OR5AS1: variants seen among roughly 807,000 people sequenced by gnomAD.
OR5AS1 encodes the protein olfactory receptor 5AS1.
For synonymous variants in OR5AS1, 196 were observed against 141.7 expected, an observed-to-expected ratio of 1.38 and a Z score of -2.72; for missense variants, 492 against 378.2, an observed-to-expected ratio of 1.30 and a Z score of -2.50.
Position 56,030,793 on chromosome 11 carries a change from C to T in OR5AS1, c.375C>T (p.Ala125=). The T allele has an allele frequency of 1.2e-6, 2 of 1,614,062 alleles. No individual in the cohort carries two copies. The highest frequency in any genetic ancestry group is 1.7e-6 in the Non-Finnish European group (2 of 1,179,992). ...LAAMAYDRYA[A]ICNPLLYTTL... The stretch of plus-strand genomic sequence containing the variant: ...CAATGGCTTATGACCGCTATGCAGC[C>T]ATCTGCAACCCACTGCTCTATACTA... Residue 125 remains alanine (A), a synonymous_variant, in exon 2 of 2, where the codon GCC becomes GCT. Transcript: ENST00000641320.
Position 56,037,224 on chromosome 11 carries a change from A to C in OR5AS1, c.*5831A>C, listed in dbSNP as rs1469586597. On this transcript the variant is annotated 3_prime_UTR_variant, in exon 2 of 2. Transcript: ENST00000641320. ...GCACAAAACAATGATGCCCTCTCTC[A>C]CCACTCCTATTCAACATAGTATTGA... 6.6e-6 allele frequency: 1 copy of C among 152,110 alleles called. No homozygotes were observed. The highest frequency in any genetic ancestry group is 1.5e-5 in the Non-Finnish European group (1 of 68,040). 9.4% of individuals were successfully genotyped at this position (152,110 alleles called of 1,614,324 possible). A position where few individuals can be genotyped will look rare whatever the true frequency, so the allele number is the denominator to read the frequency against.
Position 56,030,952 on chromosome 11 carries a change from C to A in OR5AS1, c.534C>A (p.Phe178Leu), listed in dbSNP as rs775346584. The change falls in exon 2 of 2, where the codon TTC (phenylalanine) becomes TTA (leucine). Residue 178 changes from phenylalanine (F) to leucine (L), a missense_variant. By Grantham distance (22) the Phe-to-Leu change is conservative (BLOSUM62 0). Coordinates refer to ENST00000641320, the MANE Select transcript of OR5AS1 (RefSeq NM_001001921.2). ...GCTCCAATATCGTCAATCATTTTTT[C>A]TGTGATATCCCACCTCTTCTGGCTT... ...FCGSNIVNHF[F>L]CDIPPLLALS... The A allele has an allele frequency of 1.2e-6, 2 of 1,614,144 alleles. No individual in the cohort carries two copies. The highest frequency in any genetic ancestry group is 1.1e-5 in the South Asian group (1 of 91,084).
rs1310535328 is a variant in OR5AS1 at position 56,033,663 on chromosome 11, C to G, written c.*2270C>G. ...AGATAAAACCCCCATCCCCCTGAGA[C>G]AGAGCACCTTAAGGAAGGGATGGCT... On this transcript the variant is annotated 3_prime_UTR_variant, in exon 2 of 2. Transcript: ENST00000641320. 6.6e-6 allele frequency: 1 copy of G among 152,214 alleles called. No individual in the cohort carries two copies. Among genetic ancestry groups the G allele is most frequent in the African/African-American group, 2.4e-5 (1 of 41,396 alleles). 9.4% of individuals were successfully genotyped at this position (152,214 alleles called of 1,614,324 possible). A position where few individuals can be genotyped will look rare whatever the true frequency, so the allele number is the denominator to read the frequency against.
chr11:56,033,635 TAGAGATAAAACCCCCATCCCCCTGAGAC>T lies in OR5AS1; in HGVS notation c.*2247_*2274del, dbSNP rs1224574753. 6 of 152,350 alleles carry T rather than the reference TAGAGATAAAACCCCCATCCCCCTGAGAC, an allele frequency of 3.9e-5. No individual in the cohort carries two copies. The East Asian group carries it at 1.2e-3, about 29-fold the overall frequency. 9.4% of individuals were successfully genotyped at this position (152,350 alleles called of 1,614,324 possible). A position where few individuals can be genotyped will look rare whatever the true frequency, so the allele number is the denominator to read the frequency against. ...AAGGCAGCAGCCCCAGTTAGGGGCC[TAGAGATAAAACCCCCATCCCCCTGAGAC>T]AGAGCACCTTAAGGAAGGGATGGCT... On this transcript the variant is annotated 3_prime_UTR_variant, in exon 2 of 2. Transcript: ENST00000641320.
In OR5AS1 at chr11:56,034,944, G is replaced by A. The variant is rs1853389400; in HGVS notation, c.*3551G>A. ...GTCTCAGCAGAAACCCTATAAGCCA[G>A]AAGTGAGTGGGGGCCAATATCCAAC... On this transcript the variant is annotated 3_prime_UTR_variant, in exon 2 of 2. Coordinates refer to ENST00000641320, the MANE Select transcript of OR5AS1 (RefSeq NM_001001921.2). 6.6e-6 allele frequency: 1 copy of A among 152,162 alleles called. No homozygotes were observed. Among genetic ancestry groups the A allele is most frequent in the East Asian group, 1.9e-4 (1 of 5,196 alleles). 9.4% of individuals were successfully genotyped at this position (152,162 alleles called of 1,614,324 possible).
At position 56,033,670 on chromosome 11, in the gene OR5AS1, C is replaced by T. The variant is rs1198666313; in HGVS notation, c.*2277C>T. ...ACCCCCATCCCCCTGAGACAGAGCACCTTAAGGAAGGGATGGCTGTGGGTG... is the reference window on the plus strand; with the variant it reads ...ACCCCCATCCCCCTGAGACAGAGCATCTTAAGGAAGGGATGGCTGTGGGTG... On this transcript the variant is annotated 3_prime_UTR_variant, in exon 2 of 2. Transcript: ENST00000641320. 1 of 152,188 alleles carries T rather than the reference C, an allele frequency of 6.6e-6. No homozygotes were observed. Among genetic ancestry groups the T allele is most frequent in the African/African-American group, 2.4e-5 (1 of 41,386 alleles). 9.4% of individuals were successfully genotyped at this position (152,188 alleles called of 1,614,324 possible). A position where few individuals can be genotyped will look rare whatever the true frequency, so the allele number is the denominator to read the frequency against.
At chr11:56,028,279 TTATAA>T (rs1327194277) in intron 1 of OR5AS1, among the ~76,000 whole-genome samples, 10 of 151,994 alleles carry the variant, frequency 6.6e-5, no homozygotes, top group African/African-American at 2.2e-4. Context: ...GATTTCAGTC[TTATAA>T]TATATTATTA....
chr11:56,031,528 C>A lies in OR5AS1; in HGVS notation c.*135C>A. ...CATTAAAATGCTTCATCCTCTCTTC[C>A]AAAAATGTTCTCTCCACAATTCTAC... On this transcript the variant is annotated 3_prime_UTR_variant, in exon 2 of 2. Transcript: ENST00000641320. 1 of 628,590 alleles carries A rather than the reference C, an allele frequency of 1.6e-6. No individual in the cohort carries two copies. Among genetic ancestry groups the A allele is most frequent in the East Asian group, 2.6e-5 (1 of 38,236 alleles). 38.9% of individuals were successfully genotyped at this position (628,590 alleles called of 1,614,324 possible).
Position 56,031,592 on chromosome 11 carries a change from A to G in OR5AS1, c.*199A>G, listed in dbSNP as rs1853352351. The G allele has an allele frequency of 2.3e-6, 1 of 426,616 alleles. No homozygotes were observed. The allele number at this position is 426,616 out of a possible 1,614,324, so 26.4% of individuals were successfully genotyped here. On this transcript the variant is annotated 3_prime_UTR_variant, in exon 2 of 2. Transcript: ENST00000641320. ...ACCTAATTAAACATAGTCATTATTT[A>G]TATCCAATTAGTGTTTCTAAAATGC... is the stretch of plus-strand genomic sequence containing the variant.
At position 56,036,187 on chromosome 11, in the gene OR5AS1, T is replaced by C. The variant is rs1853402667; in HGVS notation, c.*4794T>C. 1 of 151,866 alleles carries C rather than the reference T, an allele frequency of 6.6e-6. No individual in the cohort carries two copies. The highest frequency in any genetic ancestry group is 1.5e-5 in the Non-Finnish European group (1 of 67,970). 9.4% of individuals were successfully genotyped at this position (151,866 alleles called of 1,614,324 possible). A position where few individuals can be genotyped will look rare whatever the true frequency, so the allele number is the denominator to read the frequency against. On this transcript the variant is annotated 3_prime_UTR_variant, in exon 2 of 2. Transcript: ENST00000641320. ...GGCCCACAAGAGAAAGCAGGAAAGA[T>C]CTAAAATCAACACCCTAACATCACA...
In OR5AS1 at chr11:56,035,954, A is replaced by G. The variant is rs150640984; in HGVS notation, c.*4561A>G. 15,942 of 152,170 alleles carry G rather than the reference A, an allele frequency of 0.1. 1,053 individuals carry two copies. The highest frequency in any genetic ancestry group is 0.16 in the East Asian group (822 of 5,182). The allele number at this position is 152,170 out of a possible 1,614,324, so 9.4% of individuals were successfully genotyped here. ...AGTCTCTCAGACCACAGTGCAATCAAATTAGAACTCAGGATTAAGAAACTC... is the reference window on the plus strand; with the variant it reads ...AGTCTCTCAGACCACAGTGCAATCAGATTAGAACTCAGGATTAAGAAACTC... On this transcript the variant is annotated 3_prime_UTR_variant, in exon 2 of 2. Transcript: ENST00000641320.
In OR5AS1 at chr11:56,033,835, C is replaced by T. The variant is rs1853376702; in HGVS notation, c.*2442C>T. ...GACCCCGTGACTCTTGACTGGGAGA[C>T]ACCTTCCAGTAGGGGTTGACAGATA... is the stretch of plus-strand genomic sequence containing the variant. On this transcript the variant is annotated 3_prime_UTR_variant, in exon 2 of 2. Transcript: ENST00000641320. 6.6e-6 allele frequency: 1 copy of T among 152,236 alleles called. No individual in the cohort carries two copies. Among genetic ancestry groups the T allele is most frequent in the Non-Finnish European group, 1.5e-5 (1 of 68,104 alleles). 9.4% of individuals were successfully genotyped at this position (152,236 alleles called of 1,614,324 possible). A position where few individuals can be genotyped will look rare whatever the true frequency, so the allele number is the denominator to read the frequency against.
At chr11:56,028,807 G>T (rs1413985259) in intron 1 of OR5AS1, among the ~76,000 whole-genome samples, 1 of 151,978 alleles carries the variant, frequency 6.6e-6, no homozygotes, top group Non-Finnish European at 1.5e-5. Context: ...AATCATTAAT[G>T]GAAATGTCAC....
At position 56,036,920 on chromosome 11, in the gene OR5AS1, A is replaced by G. The variant is rs1258920382; in HGVS notation, c.*5527A>G. 6.6e-6 allele frequency: 1 copy of G among 151,890 alleles called. No homozygotes were observed. The highest frequency in any genetic ancestry group is 1.5e-5 in the Non-Finnish European group (1 of 67,936). The allele number at this position is 151,890 out of a possible 1,614,324, so 9.4% of individuals were successfully genotyped here. On this transcript the variant is annotated 3_prime_UTR_variant, in exon 2 of 2. Coordinates refer to ENST00000641320, the MANE Select transcript of OR5AS1 (RefSeq NM_001001921.2). ...CGGCACATCAAAAAGCTTATCCACC[A>G]ATCAAATTGGCTTTATCCCTGGGAT...
intron 1 of OR5AS1, among the ~76,000 whole-genome samples, chr11:56,029,675 A>G (rs1182212906): frequency 1.3e-5 from 2 of 152,076 alleles, no homozygotes; most frequent in Non-Finnish European, 2.9e-5. Context: ...ATCAAAATGG[A>G]GTCAATTTAT....
chr11:56,031,250 T>C lies in OR5AS1; in HGVS notation c.832T>C (p.Tyr278His). 2.5e-6 allele frequency: 4 copies of C among 1,613,752 alleles called. No homozygotes were observed. Among genetic ancestry groups the C allele is most frequent in the South Asian group, 2.2e-5 (2 of 91,076 alleles). Reference protein sequence around the residue: ...LDTDKVVAVFYTVVFPMFNPI... With the variant: ...LDTDKVVAVFHTVVFPMFNPI... Reference sequence around the variant, plus strand: ...CACTGATAAGGTGGTGGCAGTGTTTTATACTGTTGTATTTCCCATGTTTAA... The same window carrying C: ...CACTGATAAGGTGGTGGCAGTGTTTCATACTGTTGTATTTCCCATGTTTAA... The change falls in exon 2 of 2, where the codon TAT becomes CAT. Residue 278 changes from tyrosine (Y) to histidine (H), a missense_variant. Tyr to His is a moderately conservative substitution (Grantham distance 83, BLOSUM62 2). Coordinates refer to ENST00000641320, the MANE Select transcript of OR5AS1 (RefSeq NM_001001921.2).
At chr11:56,029,530 GCACACACA>G (rs147093456) in intron 1 of OR5AS1, among the ~76,000 whole-genome samples, 13,683 of 149,226 alleles carry the variant, frequency 0.092, 665 homozygotes, top group African/African-American at 0.12. Context: ...TTTGTATATA[GCACACACA>G]CACACACACA....
In OR5AS1 at chr11:56,036,661, G is replaced by A. The variant is rs1449509977; in HGVS notation, c.*5268G>A. 2 of 151,262 alleles carry A rather than the reference G, an allele frequency of 1.3e-5. No individual in the cohort carries two copies. Among genetic ancestry groups the A allele is most frequent in the Non-Finnish European group, 3.0e-5 (2 of 67,590 alleles). The allele number at this position is 151,262 out of a possible 1,614,324, so 9.4% of individuals were successfully genotyped here. On this transcript the variant is annotated 3_prime_UTR_variant, in exon 2 of 2. Coordinates refer to ENST00000641320, the MANE Select transcript of OR5AS1 (RefSeq NM_001001921.2). ...ATTAATAGCCTACCAACAAAAAATA[G>A]TCCAGGACCAGCCAAATTCTACCAG...
In OR5AS1 at chr11:56,030,639, C is replaced by G. The variant is rs753231648; in HGVS notation, c.221C>G (p.Ser74Cys). Residue 74 changes from serine (S) to cysteine (C), a missense_variant, in exon 2 of 2, where the codon TCT (serine) becomes TGT (cysteine). Ser to Cys is a moderately radical substitution (Grantham distance 112, BLOSUM62 -1). Coordinates refer to ENST00000641320, the MANE Select transcript of OR5AS1 (RefSeq NM_001001921.2). ...TTATCTTTCTTAGACATCAGCTGTTCTACAGCAATCACTCCTAAAATGCTG... is the reference window on the plus strand; with the variant it reads ...TTATCTTTCTTAGACATCAGCTGTTGTACAGCAATCACTCCTAAAATGCTG... ...SNLSFLDISC[S>C]TAITPKMLAN... 1 of 1,569,078 alleles carries G rather than the reference C, an allele frequency of 6.4e-7. No individual in the cohort carries two copies. Among genetic ancestry groups the G allele is most frequent in the Non-Finnish European group, 8.6e-7 (1 of 1,157,672 alleles).
Sources: allele counts gnomAD v4.1 joint callset (sites outside exome capture counted in the v4.1 genomes callset), GRCh38; gene constraint gnomAD v4.1.1; transcripts MANE v1.5; gene names NCBI Gene and HGNC (gene_info 2026-07-23, HGNC 2026-07-21).